ZFPM2: variants seen among roughly 807,000 people sequenced by gnomAD.
The protein encoded by ZFPM2 is zinc finger protein, FOG family member 2.
A neutral mutation model predicts 98.6 loss-of-function variants in ZFPM2; 20 were observed. The ratio of observed to expected loss-of-function variants is 0.20; its 90% confidence interval spans 0.14 to 0.29. The LOEUF is 0.29. Among genes scored for constraint, ZFPM2 ranks in the 10% least tolerant of loss-of-function variants. The probability of loss-of-function intolerance (pLI) is 1.00; values close to 1 mark genes in which losing one functional copy is unlikely to be tolerated. For missense variants in ZFPM2, 1,310 were observed against 1,388.6 expected, an observed-to-expected ratio of 0.94 and a Z score of 0.90; for synonymous variants, 518 against 502.7, an observed-to-expected ratio of 1.03 and a Z score of -0.41.
At chr8:105,775,646 C>T (rs762133709) in intron 5 of ZFPM2, among the ~76,000 whole-genome samples, 10 of 152,034 alleles carry the variant, frequency 6.6e-5, no homozygotes, top group East Asian at 1.9e-4. Flanking sequence ...CAGCTGCAAG[C>T]GAAATTTTGA....
intron 3 of ZFPM2, among the ~76,000 whole-genome samples, chr8:105,521,607 C>CA (rs989056127): frequency 3.3e-5 from 5 of 150,964 alleles, no homozygotes; most frequent in Non-Finnish European, 5.9e-5. Context: ...GATGGAGTTT[C>CA]ACTCTTGTTG....
At chr8:105,573,551 T>C (rs1232127779) in intron 4 of ZFPM2, among the ~76,000 whole-genome samples, 1 of 152,194 alleles carries the variant, frequency 6.6e-6, no homozygotes, top group African/African-American at 2.4e-5. Context: ...GTAAAAGACA[T>C]TTGTGAAAAT....
intron 4 of ZFPM2, among the ~76,000 whole-genome samples, chr8:105,573,947 T>G (rs1815409482): frequency 6.6e-6 from 1 of 152,234 alleles, no homozygotes; most frequent in Non-Finnish European, 1.5e-5. Flanking sequence ...ATACCAGCCC[T>G]ACAACATAGA....
chr8:105,321,290 TC>T (rs999648577), intron 1 of ZFPM2, among the ~76,000 whole-genome samples: 1 of 152,090 alleles, frequency 6.6e-6, no homozygotes, highest in East Asian at 1.9e-4. Flanking sequence ...TGTAGGTCTC[TC>T]CCCCCAGTTT....
chr8:105,318,845 AGCGGCGGCG>A lies in ZFPM2; in HGVS notation c.-77_-69del, dbSNP rs1191717920. The A allele has an allele frequency of 6.0e-6, 2 of 331,956 alleles. No homozygotes were observed. Among genetic ancestry groups the A allele is most frequent in the Non-Finnish European group, 7.4e-6 (2 of 269,828 alleles). The allele number at this position is 331,956 out of a possible 1,614,324, so 20.6% of individuals were successfully genotyped here. The stretch of plus-strand genomic sequence containing the variant: ...GGCCGGCGGCGGGCCGAGCCTGGCC[AGCGGCGGCG>A]GCGGCGGCGGCGGCGGCGGGAGCCG... On this transcript the variant is annotated 5_prime_UTR_variant, in exon 1 of 8. Coordinates refer to ENST00000407775, the MANE Select transcript of ZFPM2 (RefSeq NM_012082.4).
chr8:105,699,301 G>C (rs1586205832), intron 5 of ZFPM2, among the ~76,000 whole-genome samples: 1 of 152,112 alleles, frequency 6.6e-6, no homozygotes, highest in East Asian at 1.9e-4. Context: ...TTTTACATAA[G>C]TTCTAGAGGT....
At chr8:105,672,981 CAG>C (rs763090562) in intron 5 of ZFPM2, among the ~76,000 whole-genome samples, 4 of 152,202 alleles carry the variant, frequency 2.6e-5, no homozygotes, top group Admixed American at 6.5e-5. Context: ...GAAATTAACA[CAG>C]GGGGAAATTG....
intron 4 of ZFPM2, among the ~76,000 whole-genome samples, chr8:105,603,125 T>A (rs923525290): frequency 1.6e-4 from 25 of 152,088 alleles, no homozygotes; most frequent in Admixed American, 6.6e-4. Flanking sequence ...CTGCCAAAAA[T>A]TGTATGGTGT....
intron 3 of ZFPM2, among the ~76,000 whole-genome samples, chr8:105,534,294 T>C (rs1272444496): frequency 2.1e-4 from 15 of 71,710 alleles, no homozygotes; most frequent in African/African-American, 3.6e-4. Context: ...CTCCCTCCTT[T>C]CTTCCTTCCT....
At chr8:105,618,476 G>A (rs566384413) in intron 4 of ZFPM2, among the ~76,000 whole-genome samples, 2 of 152,060 alleles carry the variant, frequency 1.3e-5, no homozygotes, top group South Asian at 4.2e-4. Context: ...CTTCATTATG[G>A]CTTAATAAAA....
intron 5 of ZFPM2, among the ~76,000 whole-genome samples, chr8:105,705,111 T>C (rs1811225873): frequency 6.6e-6 from 1 of 152,094 alleles, no homozygotes; most frequent in Admixed American, 6.6e-5. Context: ...TGTTATCATA[T>C]TAAATTAGTA....
intron 3 of ZFPM2, among the ~76,000 whole-genome samples, chr8:105,551,518 C>T (rs536788274): frequency 8.2e-4 from 125 of 152,230 alleles, no homozygotes; most frequent in Non-Finnish European, 1.4e-3. Flanking sequence ...TACTTCAGAC[C>T]AGTCTTCTGA....
intron 5 of ZFPM2, among the ~76,000 whole-genome samples, chr8:105,645,143 A>G (rs1817018524): frequency 6.6e-6 from 1 of 152,192 alleles, no homozygotes; most frequent in Admixed American, 6.5e-5. Context: ...AAGTGGATAA[A>G]CCAGTATGAT....
intron 1 of ZFPM2, among the ~76,000 whole-genome samples, chr8:105,355,122 GTGT>G (rs1418919936): frequency 8.5e-5 from 13 of 152,168 alleles, no homozygotes; most frequent in African/African-American, 1.7e-4. Flanking sequence ...GAACAATTCA[GTGT>G]TGTTGTAAAA....
chr8:105,766,311 C>T (rs1270809315), intron 5 of ZFPM2, among the ~76,000 whole-genome samples: 8 of 151,916 alleles, frequency 5.3e-5, no homozygotes, highest in African/African-American at 1.7e-4. Flanking sequence ...CCTATAATTA[C>T]ATGTTATCTG....
At chr8:105,593,695 G>C (rs1815900820) in intron 4 of ZFPM2, among the ~76,000 whole-genome samples, 1 of 151,634 alleles carries the variant, frequency 6.6e-6, no homozygotes, top group African/African-American at 2.4e-5. Flanking sequence ...ATAAGTCAAG[G>C]GCCGAAGACT....
At chr8:105,537,889 G>A (rs1814490242) in intron 3 of ZFPM2, among the ~76,000 whole-genome samples, 1 of 151,724 alleles carries the variant, frequency 6.6e-6, no homozygotes. Context: ...GTGCCACCAC[G>A]CCTGGCTAAT....
intron 3 of ZFPM2, among the ~76,000 whole-genome samples, chr8:105,450,000 C>T (rs1256946875): frequency 6.6e-6 from 1 of 152,018 alleles, no homozygotes; most frequent in Non-Finnish European, 1.5e-5. Flanking sequence ...TTCTATTCCA[C>T]CCGACTTAAA....
intron 1 of ZFPM2, among the ~76,000 whole-genome samples, chr8:105,351,553 G>A (rs1331268455): frequency 6.6e-6 from 1 of 152,052 alleles, no homozygotes; most frequent in East Asian, 1.9e-4. Context: ...CCTTTCATTG[G>A]AATCAGAATT....
Sources: allele counts gnomAD v4.1 joint callset (sites outside exome capture counted in the v4.1 genomes callset), GRCh38; gene constraint gnomAD v4.1.1; transcripts MANE v1.5; gene names NCBI Gene and HGNC (gene_info 2026-07-23, HGNC 2026-07-21).